Variants in LRRC4C observed in about 807,000 individuals in gnomAD.
LRRC4C encodes leucine-rich repeat-containing protein 4C.
A neutral mutation model predicts 33.6 loss-of-function variants in LRRC4C; 5 were observed. The ratio of observed to expected loss-of-function variants is 0.15; its 90% confidence interval spans 0.08 to 0.31. The LOEUF (loss-of-function observed/expected upper bound fraction) is 0.31. LRRC4C is among the 10% of genes least tolerant of loss of function. The pLI, the probability that LRRC4C is intolerant of heterozygous loss-of-function variation, is 1.00. For synonymous variants in LRRC4C, 329 were observed against 302.0 expected (o/e 1.09, Z -0.93); for missense variants, 560 against 796.7 (o/e 0.70, Z 3.58).
intron 3 of LRRC4C, among the ~76,000 whole-genome samples, chr11:40,633,402 T>C (rs1963684217): frequency 6.7e-6 from 1 of 149,216 alleles, no homozygotes; most frequent in Non-Finnish European, 1.5e-5. Context: ...TTTCTTTTTT[T>C]TTTTTTGACA....
At chr11:40,654,474 T>C (rs1485891693) in intron 2 of LRRC4C, among the ~76,000 whole-genome samples, 2 of 152,186 alleles carry the variant, frequency 1.3e-5, no homozygotes, top group Non-Finnish European at 2.9e-5. Context: ...TCCTGCCCTG[T>C]TGGATTTTGG....
intron 5 of LRRC4C, among the ~76,000 whole-genome samples, chr11:40,219,254 G>A (rs1864227663): frequency 6.6e-6 from 1 of 152,162 alleles, no homozygotes; most frequent in African/African-American, 2.4e-5. Context: ...TGTAGCCAGT[G>A]GCTACTATAT....
intron 2 of LRRC4C, among the ~76,000 whole-genome samples, chr11:40,690,765 A>G (rs1945186871): frequency 6.6e-6 from 1 of 152,098 alleles, no homozygotes; most frequent in Admixed American, 6.6e-5. Flanking sequence ...CTCAATGTGC[A>G]TATATTTTAG....
intron 2 of LRRC4C, among the ~76,000 whole-genome samples, chr11:40,682,746 C>CAATAAATACATAAATA: frequency 7.1e-6 from 1 of 141,666 alleles, no homozygotes; most frequent in South Asian, 2.4e-4. Context: ...GACTCTGTCT[C>CAATAAATACATAAATA]AATAAATAAA....
chr11:40,726,500 G>GA (rs1947299055), intron 2 of LRRC4C, among the ~76,000 whole-genome samples: 1 of 151,682 alleles, frequency 6.6e-6, no homozygotes, highest in African/African-American at 2.4e-5. Context: ...GTTCAACATA[G>GA]AAAAAACATA....
chr11:40,589,722 C>A (rs1472378200), intron 3 of LRRC4C, among the ~76,000 whole-genome samples: 1 of 151,322 alleles, frequency 6.6e-6, no homozygotes, highest in Admixed American at 6.6e-5. Flanking sequence ...TATTTTATTT[C>A]TCCTTCACTT....
intron 2 of LRRC4C, among the ~76,000 whole-genome samples, chr11:40,714,554 T>A (rs758871731): frequency 2.0e-5 from 3 of 152,222 alleles, no homozygotes; most frequent in Non-Finnish European, 2.9e-5. Context: ...TCTGTATCGC[T>A]GTTCCATTGT....
At chr11:40,499,704 A>T (rs10837426) in intron 3 of LRRC4C, among the ~76,000 whole-genome samples, 69,423 of 151,688 alleles carry the variant, frequency 0.46, 17,442 homozygotes, top group East Asian at 0.76. Context: ...GGGAGCTTAG[A>T]TATAAACTAA....
At chr11:41,278,303 G>A (rs1949547105) in intron 1 of LRRC4C, among the ~76,000 whole-genome samples, 1 of 152,016 alleles carries the variant, frequency 6.6e-6, no homozygotes, top group Non-Finnish European at 1.5e-5. Context: ...TAGGATCTTG[G>A]AAACTTTGAC....
intron 3 of LRRC4C, among the ~76,000 whole-genome samples, chr11:40,616,244 A>G (rs1341662546): frequency 6.6e-6 from 1 of 151,948 alleles, no homozygotes; most frequent in Non-Finnish European, 1.5e-5. Flanking sequence ...GGCGATCATT[A>G]AAAAGTCAGG....
At chr11:40,431,106 A>AT (rs1950909643) in intron 3 of LRRC4C, among the ~76,000 whole-genome samples, 1 of 78,590 alleles carries the variant, frequency 1.3e-5, no homozygotes, top group South Asian at 8.6e-4. Flanking sequence ...ATAAAAAAAA[A>AT]AAAAAAAAAT....
chr11:40,165,808 G>A (rs1859544115), intron 5 of LRRC4C, among the ~76,000 whole-genome samples: 1 of 152,138 alleles, frequency 6.6e-6, no homozygotes, highest in Admixed American at 6.5e-5. Context: ...AGCCGGGCGT[G>A]GTGGTGCATG....
chr11:41,029,816 C>T (rs192317083), intron 1 of LRRC4C, among the ~76,000 whole-genome samples: 212 of 151,814 alleles, frequency 1.4e-3, no homozygotes, highest in African/African-American at 4.7e-3. Context: ...ATTCAATATA[C>T]GCTTGTTTAA....
intron 1 of LRRC4C, among the ~76,000 whole-genome samples, chr11:41,331,234 A>G (rs1951284159): frequency 6.6e-6 from 1 of 152,178 alleles, no homozygotes; most frequent in Non-Finnish European, 1.5e-5. Flanking sequence ...TCTTTCCTTG[A>G]GTTATTCCTT....
intron 3 of LRRC4C, among the ~76,000 whole-genome samples, chr11:40,333,415 AT>A (rs1946447583): frequency 6.6e-6 from 1 of 152,130 alleles, no homozygotes; most frequent in South Asian, 2.1e-4. Flanking sequence ...TGTAGTTGTC[AT>A]TTTTAAAATT....
At chr11:40,525,289 G>GA (rs984199573) in intron 3 of LRRC4C, among the ~76,000 whole-genome samples, 3 of 151,798 alleles carry the variant, frequency 2.0e-5, no homozygotes, top group Admixed American at 6.6e-5. Context: ...TACTAAAAAT[G>GA]AAAAAAATTA....
intron 1 of LRRC4C, among the ~76,000 whole-genome samples, chr11:41,134,303 T>C (rs1364708477): frequency 6.6e-6 from 1 of 152,116 alleles, no homozygotes; most frequent in East Asian, 1.9e-4. Context: ...AGACTCTCTC[T>C]GTGCTGAACA....
intron 3 of LRRC4C, among the ~76,000 whole-genome samples, chr11:40,356,740 A>T (rs2137128753): frequency 6.6e-6 from 1 of 152,340 alleles, no homozygotes; most frequent in South Asian, 2.1e-4. Flanking sequence ...CCTTGGAGTT[A>T]AATTATTTAT....
chr11:40,357,445 G>A (rs904221573), intron 3 of LRRC4C, among the ~76,000 whole-genome samples: 3 of 152,046 alleles, frequency 2.0e-5, no homozygotes, highest in Non-Finnish European at 4.4e-5. Context: ...GGTTCATTTA[G>A]CCTTTCACTT....
Sources: allele counts gnomAD v4.1 joint callset (sites outside exome capture counted in the v4.1 genomes callset), GRCh38; gene constraint gnomAD v4.1.1; transcripts MANE v1.5; gene names NCBI Gene and HGNC (gene_info 2026-07-23, HGNC 2026-07-21).